RIC8B: variants seen among roughly 807,000 people sequenced by gnomAD.
RIC8B encodes the protein chaperone Ric-8B.
A neutral mutation model predicts 57.5 loss-of-function variants in RIC8B; 16 were observed. The observed-to-expected ratio is 0.28, with a 90% confidence interval of 0.19 to 0.42. The LOEUF (loss-of-function observed/expected upper bound fraction) is 0.42, where lower values mean the gene tolerates loss of function less well. RIC8B is among the 10% of genes least tolerant of loss of function. The pLI, the probability that RIC8B is intolerant of heterozygous loss-of-function variation, is 1.00. For missense variants in RIC8B, 481 were observed against 677.0 expected, an observed-to-expected ratio of 0.71 and a Z score of 3.21; for synonymous variants, 216 against 250.8, an observed-to-expected ratio of 0.86 and a Z score of 1.31.
At chr12:106,852,166 A>G (rs1331794246) in intron 7 of RIC8B, among the ~76,000 whole-genome samples, 2 of 152,270 alleles carry the variant, frequency 1.3e-5, no homozygotes, top group African/African-American at 4.8e-5. Context: ...ATAAGTGTAT[A>G]TAAAGTGATT....
chr12:106,810,724 T>C (rs1401319025), intron 2 of RIC8B, among the ~76,000 whole-genome samples: 2 of 152,142 alleles, frequency 1.3e-5, no homozygotes, highest in Non-Finnish European at 2.9e-5. Context: ...TTGATAAGAA[T>C]AGTATGAAAG....
intron 2 of RIC8B, among the ~76,000 whole-genome samples, chr12:106,800,038 C>T (rs2044659489): frequency 6.6e-6 from 1 of 152,096 alleles, no homozygotes; most frequent in Non-Finnish European, 1.5e-5. Flanking sequence ...CTCACATAAC[C>T]ACTTCTTTGT....
rs570663862 is a variant in RIC8B, at chr12:106,797,885, A to G, written c.132+13841A>G. Reference sequence around the variant, plus strand: ...CGAGCTTAGGCAGCCTGGCTCCAAGACCCGTGTGCTACACCGTACTGCCGC... The same window carrying G: ...CGAGCTTAGGCAGCCTGGCTCCAAGGCCCGTGTGCTACACCGTACTGCCGC... On this transcript the variant is annotated intron_variant, in intron 2 of 9. Transcript: ENST00000392837. The G allele has an allele frequency of 3.8e-4, 170 of 446,304 alleles. 1 individual carries two copies. Among genetic ancestry groups the G allele is most frequent in the African/African-American group, 3.2e-3 (158 of 49,264 alleles). The allele number at this position is 446,304 out of a possible 1,614,324, so 27.6% of individuals were successfully genotyped here.
chr12:106,855,337 A>G lies in RIC8B; in HGVS notation c.1306+3743A>G, dbSNP rs184757071. On this transcript the variant is annotated intron_variant, in intron 7 of 9. Coordinates refer to ENST00000392837, the MANE Select transcript of RIC8B (RefSeq NM_001330145.2). ...CAGAAGTGTTGCTCCATCACTCATT[A>G]CCCTTTATTCTTTTGTTCTTTGAAC... Among the ~76,000 whole-genome samples the G allele has an allele frequency of 2.3e-4, 35 of 152,092 alleles. 1 individual carries two copies. The East Asian group carries it at 6.0e-3, about 26-fold the overall frequency.
At position 106,815,128 on chromosome 12, in the gene RIC8B, CT is replaced by C; in HGVS notation, c.566del (p.Leu189HisfsTer4). 1 of 1,614,236 alleles carries C rather than the reference CT, an allele frequency of 6.2e-7. No homozygotes were observed. Among genetic ancestry groups the C allele is most frequent in the Non-Finnish European group, 8.5e-7 (1 of 1,180,034 alleles). The part of the protein sequence containing the change: ...RSQLRYELQG[L>X]PLLTQILESA... ...ACAATTGCGCTATGAGCTCCAGGGA[CT>C]ACCGCTGCTAACGCAGATCTTGGAA... On this transcript the variant is annotated frameshift_variant, in exon 3 of 10. Transcript: ENST00000392837. LOFTEE classifies it high-confidence loss of function.
chr12:106,814,806 T>G lies in RIC8B; in HGVS notation c.243T>G (p.Val81=), dbSNP rs200582657. 1.2e-6 allele frequency: 2 copies of G among 1,614,122 alleles called. No individual in the cohort carries two copies. The highest frequency in any genetic ancestry group is 1.3e-5 in the African/African-American group (1 of 74,938). The change falls in exon 3 of 10, where the codon GTT becomes GTG. Residue 81 remains valine (V), a synonymous_variant. Coordinates refer to ENST00000392837, the MANE Select transcript of RIC8B (RefSeq NM_001330145.2). ...TCTCCAGAGACAAAAAGGTTTTAGT[T>G]CCTGTGACAACTAAGGAAAATATGC... ...RILSRDKKVL[V]PVTTKENMQI...
At chr12:106,841,432 G>T (rs1279121262) in intron 4 of RIC8B, among the ~76,000 whole-genome samples, 2 of 152,062 alleles carry the variant, frequency 1.3e-5, no homozygotes, top group African/African-American at 2.4e-5. Context: ...GTAGAGGAAA[G>T]AAAAATTTTT....
intron 9 of RIC8B, among the ~76,000 whole-genome samples, chr12:106,884,328 T>C (rs895188030): frequency 5.3e-5 from 8 of 152,236 alleles, no homozygotes. Context: ...TGTCACATAG[T>C]CATTGAACAG....
Position 106,879,697 on chromosome 12 carries a change from T to C in RIC8B, c.1572-6207T>C. On this transcript the variant is annotated intron_variant, in intron 9 of 9. Transcript: ENST00000392837. The surrounding 1 kb of genome is among the most constrained non-coding windows in gnomAD (Gnocchi z 4.9). ...TTGGACGTGCTTTATCTGTGTCCTC[T>C]TGCCTGGCCAAGCCCTTGTAGATTA... The C allele has an allele frequency of 3.0e-6, 3 of 985,452 alleles. No individual in the cohort carries two copies. The highest frequency in any genetic ancestry group is 3.6e-6 in the Non-Finnish European group (3 of 829,934). The allele number at this position is 985,452 out of a possible 1,614,324, so 61.0% of individuals were successfully genotyped here.
At position 106,886,121 on chromosome 12, in the gene RIC8B, A is replaced by C; in HGVS notation, c.*106A>C. On this transcript the variant is annotated 3_prime_UTR_variant, in exon 10 of 10. Coordinates refer to ENST00000392837, the MANE Select transcript of RIC8B (RefSeq NM_001330145.2). ...ATTTATGCCCTTGCTTTGGCTAGAAACACATTAACTGGTTTACTCATTGAG... is the reference window on the plus strand; with the variant it reads ...ATTTATGCCCTTGCTTTGGCTAGAACCACATTAACTGGTTTACTCATTGAG... 1 of 780,734 alleles carries C rather than the reference A, an allele frequency of 1.3e-6. No homozygotes were observed. The highest frequency in any genetic ancestry group is 2.1e-6 in the Non-Finnish European group (1 of 466,806). 48.4% of individuals were successfully genotyped at this position (780,734 alleles called of 1,614,324 possible).
At chr12:106,856,909 G>T (rs929408630) in intron 7 of RIC8B, among the ~76,000 whole-genome samples, 2 of 152,158 alleles carry the variant, frequency 1.3e-5, no homozygotes, top group African/African-American at 4.8e-5. Flanking sequence ...CGGTGCTATG[G>T]CAACCTGGAA....
chr12:106,791,091 G>T (rs941978525), intron 2 of RIC8B, among the ~76,000 whole-genome samples: 2 of 152,114 alleles, frequency 1.3e-5, no homozygotes, highest in African/African-American at 4.8e-5. Flanking sequence ...TTGGTTTTGT[G>T]TTCTATATTA....
intron 6 of RIC8B, among the ~76,000 whole-genome samples, chr12:106,845,439 CT>C (rs1949143003): frequency 6.6e-6 from 1 of 152,164 alleles, no homozygotes; most frequent in African/African-American, 2.4e-5. Flanking sequence ...ACCATTGCAT[CT>C]GCTATCTGTC....
chr12:106,828,136 A>C (rs1205886165), intron 4 of RIC8B, among the ~76,000 whole-genome samples: 2 of 152,210 alleles, frequency 1.3e-5, no homozygotes, highest in African/African-American at 2.4e-5. Context: ...ATAAAAACCT[A>C]TCGGCTTCAC....
At chr12:106,811,913 A>G (rs1366651577) in intron 2 of RIC8B, among the ~76,000 whole-genome samples, 2 of 152,266 alleles carry the variant, frequency 1.3e-5, no homozygotes. Flanking sequence ...AGCAGTACAC[A>G]AACTCAACAG....
intron 2 of RIC8B, among the ~76,000 whole-genome samples, chr12:106,798,588 T>C (rs1481873449): frequency 6.6e-6 from 1 of 152,112 alleles, no homozygotes; most frequent in African/African-American, 2.4e-5. Flanking sequence ...CTTTCGGTAA[T>C]GGAAAGCTTA....
In RIC8B at chr12:106,843,882, G is replaced by A. The variant is rs1566123253; in HGVS notation, c.1096G>A (p.Val366Ile). ...CAGCTATAGAGAGGGTCTAACTCCA[G>A]TTCTCAGCTTATTAACCGAATGTTC... ...GSSYREGLTPVLSLLTECSRA... is the reference protein window; with the variant it reads ...GSSYREGLTPILSLLTECSRA... Residue 366 changes from valine (V) to isoleucine (I), a missense_variant, in exon 6 of 10, where the codon GTT becomes ATT. This residue lies in a region of RIC8B where 421 missense variants were observed against 560.9 expected (regional missense o/e 0.75). Coordinates refer to ENST00000392837, the MANE Select transcript of RIC8B (RefSeq NM_001330145.2). 1 of 1,613,468 alleles carries A rather than the reference G, an allele frequency of 6.2e-7. No individual in the cohort carries two copies. The highest frequency in any genetic ancestry group is 8.5e-7 in the Non-Finnish European group (1 of 1,179,834).
At chr12:106,870,699 T>A (rs912349260) in intron 8 of RIC8B, 124 bp from the exon 9 acceptor site, 1 of 662,278 alleles carries the variant, frequency 1.5e-6, no homozygotes, top group Non-Finnish European at 2.3e-6. Flanking sequence ...ACCATAAAAT[T>A]GAAATTATTG....
intron 4 of RIC8B, among the ~76,000 whole-genome samples, chr12:106,828,996 C>T (rs4964492): frequency 0.35 from 53,568 of 151,936 alleles, 9,486 homozygotes; most frequent in South Asian, 0.38. Context: ...TTTTCTGATA[C>T]GTTGTCTTTG....
Sources: gnomAD v4.1 joint callset for allele counts (sites outside exome capture counted in the v4.1 genomes callset) on GRCh38, gnomAD v4.1.1 for gene constraint, gnomAD v4.1.1 regional missense constraint, Gnocchi (gnomAD v3.1) non-coding constraint, MANE v1.5 for transcripts, NCBI Gene and HGNC (gene_info 2026-07-23, HGNC 2026-07-21) for gene names.